Variants in SP4 observed in about 807,000 individuals in gnomAD.
SP4 encodes the protein transcription factor Sp4.
SP4 carries 19 observed loss-of-function variants against 72.8 expected under a neutral mutation model. The observed-to-expected ratio is 0.26, with a 90% CI of 0.18 to 0.38. The LOEUF is 0.38. Ranked by LOEUF, SP4 falls within the 10% of genes least tolerant of loss-of-function variation. SP4 has a pLI of 1.00. For missense variants in SP4, 1,008 were observed against 926.3 expected (o/e 1.09, Z -1.14); for synonymous variants, 395 against 333.1 (o/e 1.19, Z -2.02).
At chr7:21,502,151 T>A (rs949945700) in intron 5 of SP4, among the ~76,000 whole-genome samples, 14 of 150,526 alleles carry the variant, frequency 9.3e-5, no homozygotes, top group Admixed American at 2.0e-4. Flanking sequence ...TCTTATGGAA[T>A]ACCAGGATGA....
At chr7:21,450,615 TG>T (rs1783559976) in intron 3 of SP4, among the ~76,000 whole-genome samples, 1 of 152,144 alleles carries the variant, frequency 6.6e-6, no homozygotes. Context: ...ATAATTATGG[TG>T]GAAGAAGAAA....
intron 3 of SP4, among the ~76,000 whole-genome samples, chr7:21,456,357 C>T (rs1334734709): frequency 6.6e-6 from 1 of 152,148 alleles, no homozygotes; most frequent in African/African-American, 2.4e-5. Context: ...TATGGTAAGT[C>T]ATAAGGAGCT....
intron 3 of SP4, among the ~76,000 whole-genome samples, chr7:21,468,057 A>G (rs545188333): frequency 1.3e-5 from 2 of 152,212 alleles, no homozygotes; most frequent in African/African-American, 4.8e-5. Flanking sequence ...GTTACTTACT[A>G]TTTACTATAA....
At chr7:21,472,731 A>T (rs1178367949) in intron 3 of SP4, among the ~76,000 whole-genome samples, 1 of 151,334 alleles carries the variant, frequency 6.6e-6, no homozygotes, top group Non-Finnish European at 1.5e-5. Context: ...TGAGCCCTGG[A>T]GTTCAAGACT....
intron 5 of SP4, among the ~76,000 whole-genome samples, chr7:21,501,937 A>T (rs1369383864): frequency 6.6e-6 from 1 of 152,066 alleles, no homozygotes; most frequent in African/African-American, 2.4e-5. Context: ...GTTGATTATA[A>T]TAGATGTAGT....
intron 3 of SP4, among the ~76,000 whole-genome samples, chr7:21,463,986 T>C (rs569876904): frequency 6.3e-4 from 96 of 152,334 alleles, no homozygotes; most frequent in African/African-American, 2.1e-3. Context: ...CATGTTACTT[T>C]AGTGGGATAA....
chr7:21,467,957 C>T (rs907519454), intron 3 of SP4, among the ~76,000 whole-genome samples: 1 of 152,042 alleles, frequency 6.6e-6, no homozygotes, highest in African/African-American at 2.4e-5. Context: ...AGGTCAATTT[C>T]AGTTTATTGG....
intron 3 of SP4, among the ~76,000 whole-genome samples, chr7:21,474,631 C>T (rs757783374): frequency 3.1e-4 from 47 of 152,134 alleles, no homozygotes; most frequent in Non-Finnish European, 1.9e-4. Flanking sequence ...GCCTTTACCC[C>T]TGGAAAATCA....
At chr7:21,445,842 A>C (rs1234132863) in intron 3 of SP4, among the ~76,000 whole-genome samples, 3 of 152,136 alleles carry the variant, frequency 2.0e-5, no homozygotes, top group Non-Finnish European at 1.5e-5. Context: ...TTTAGTAACA[A>C]GCTACCAAAG....
rs1041799768 is a variant in SP4, at chr7:21,482,581, A to G, written c.2107+458A>G. On this transcript the variant is annotated intron_variant, in intron 5 of 5. Coordinates refer to ENST00000222584, the MANE Select transcript of SP4 (RefSeq NM_003112.5). Reference sequence around the variant, plus strand: ...TCAGTCAGAATGGTCAGTTGTTAATATTATATTTTCTGCTTTTTTTCAAAT... The same window carrying G: ...TCAGTCAGAATGGTCAGTTGTTAATGTTATATTTTCTGCTTTTTTTCAAAT... 7.7e-6 allele frequency: 6 copies of G among 780,590 alleles called. No individual in the cohort carries two copies. The African/African-American group carries it at 1.1e-4, about 15-fold the overall frequency. The allele number at this position is 780,590 out of a possible 1,614,324, so 48.4% of individuals were successfully genotyped here. A position where few individuals can be genotyped will look rare whatever the true frequency, so the allele number is the denominator to read the frequency against.
intron 4 of SP4, among the ~76,000 whole-genome samples, chr7:21,478,875 G>A (rs1338191987): frequency 1.3e-5 from 2 of 152,058 alleles, no homozygotes; most frequent in Admixed American, 6.5e-5. Flanking sequence ...TTCAAGACCA[G>A]CCTGACCGGC....
Position 21,430,379 on chromosome 7 carries a change from A to G in SP4, c.1214A>G (p.Gln405Arg), listed in dbSNP as rs763231338. ...CAAATTGTAGGCCAACCTATCTTACAGCAGATCCAGATCCAACAGCCTCAG... is the reference window on the plus strand; with the variant it reads ...CAAATTGTAGGCCAACCTATCTTACGGCAGATCCAGATCCAACAGCCTCAG... The part of the protein sequence containing the change: ...QVQIVGQPIL[Q>R]QIQIQQPQQQ... The change falls in exon 3 of 6, where the codon CAG (glutamine) becomes CGG (arginine). Residue 405 changes from glutamine (Q) to arginine (R), a missense_variant. By Grantham distance (43) the Gln-to-Arg change is conservative. Transcript: ENST00000222584. 19 of 1,614,100 alleles carry G rather than the reference A, an allele frequency of 1.2e-5. No homozygotes were observed. The highest frequency in any genetic ancestry group is 1.6e-5 in the Non-Finnish European group (19 of 1,180,052).
chr7:21,469,503 A>G (rs557255772), intron 3 of SP4, among the ~76,000 whole-genome samples: 1 of 151,934 alleles, frequency 6.6e-6, no homozygotes, highest in East Asian at 1.9e-4. Flanking sequence ...AAAGGGAGAA[A>G]TCTTAGCCTA....
intron 3 of SP4, among the ~76,000 whole-genome samples, chr7:21,437,334 C>T (rs1020780275): frequency 6.6e-6 from 1 of 152,032 alleles, no homozygotes; most frequent in African/African-American, 2.4e-5. Flanking sequence ...GATGAGTATC[C>T]AAAGGAAATA....
chr7:21,498,959 AGTCCCAGCT>A (rs1203923623), intron 5 of SP4, among the ~76,000 whole-genome samples: 1 of 151,690 alleles, frequency 6.6e-6, no homozygotes, highest in African/African-American at 2.4e-5. Context: ...GGCGGCCTGT[AGTCCCAGCT>A]ATTCGGGAGG....
chr7:21,430,240 A>G lies in SP4; in HGVS notation c.1075A>G (p.Ile359Val), dbSNP rs1562580216. 1.9e-6 allele frequency: 3 copies of G among 1,614,244 alleles called. No homozygotes were observed. The highest frequency in any genetic ancestry group is 2.5e-6 in the Non-Finnish European group (3 of 1,180,052). Residue 359 changes from isoleucine to valine, a missense_variant, in exon 3 of 6, where the codon ATT (isoleucine) becomes GTT (valine). Ile to Val is a conservative substitution (Grantham distance 29). Around this residue, in one of 3 missense-constraint regions of SP4, gnomAD observed 893 missense variants for 743.3 expected, o/e 1.20. Transcript: ENST00000222584. ...STSASSSERT[I>V]EESQTPAATE... ...ATCAGCCAGTAGTTCTGAACGCACCATTGAAGAATCTCAAACACCTGCTGC... is the reference window on the plus strand; with the variant it reads ...ATCAGCCAGTAGTTCTGAACGCACCGTTGAAGAATCTCAAACACCTGCTGC...
At chr7:21,454,899 C>T (rs147270416) in intron 3 of SP4, among the ~76,000 whole-genome samples, 19 of 152,314 alleles carry the variant, frequency 1.2e-4, no homozygotes, top group African/African-American at 3.8e-4. Context: ...GGGTGCCATA[C>T]GCCCCCATTA....
intron 5 of SP4, among the ~76,000 whole-genome samples, chr7:21,491,202 G>T (rs1331256563): frequency 6.6e-6 from 1 of 152,130 alleles, no homozygotes; most frequent in African/African-American, 2.4e-5. Context: ...TTTTAGCAGA[G>T]AAATCTGCTA....
chr7:21,446,103 CATT>C (rs1783419498), intron 3 of SP4, among the ~76,000 whole-genome samples: 1 of 150,804 alleles, frequency 6.6e-6, no homozygotes, highest in Admixed American at 6.6e-5. Context: ...TATGTTTACT[CATT>C]ATAAACACAT....
Sources: gnomAD v4.1 joint callset for allele counts (sites outside exome capture counted in the v4.1 genomes callset) on GRCh38, gnomAD v4.1.1 for gene constraint, gnomAD v4.1.1 regional missense constraint, MANE v1.5 for transcripts, NCBI Gene and HGNC (gene_info 2026-07-23, HGNC 2026-07-21) for gene names.